The following SPAG6 variants were observed in gnomAD, a reference collection of about 807,000 sequenced individuals.
SPAG6 encodes the protein sperm associated antigen 6.
SPAG6 carries 49 observed loss-of-function variants against 58.5 expected under a neutral mutation model. The observed-to-expected ratio is 0.84, with a 90% CI of 0.67 to 1.06. The LOEUF (loss-of-function observed/expected upper bound fraction) is 1.06. SPAG6 is among the 50% of genes least tolerant of loss of function. The pLI is 0.00. For missense variants in SPAG6, 560 were observed against 611.3 expected, an observed-to-expected ratio of 0.92 and a Z score of 0.89; for synonymous variants, 233 against 225.6, an observed-to-expected ratio of 1.03 and a Z score of -0.29.
intron 4 of SPAG6, among the ~76,000 whole-genome samples, chr10:22,370,303 A>G (rs1425989012): frequency 2.0e-5 from 3 of 152,204 alleles, no homozygotes; most frequent in Non-Finnish European, 4.4e-5. Flanking sequence ...AGTAATTAGT[A>G]TATGCCTGGC....
rs781720124 is a variant in SPAG6 at position 22,368,659 on chromosome 10, T to C, written c.453T>C (p.Tyr151=). ...AGGCTGCAGCCTGGGCACTTAGATA[T>C]ATTGCAAGACATAATGCAGGTAATT... ...VKEAAAWALR[Y]IARHNAELSQ... Residue 151 remains tyrosine (Y), a synonymous_variant, in exon 4 of 11, where the codon TAT becomes TAC. Coordinates refer to ENST00000376624, the MANE Select transcript of SPAG6 (RefSeq NM_012443.4). The C allele has an allele frequency of 6.2e-7, 1 of 1,613,062 alleles. No individual in the cohort carries two copies. The highest frequency in any genetic ancestry group is 8.5e-7 in the Non-Finnish European group (1 of 1,179,368).
intron 6 of SPAG6, among the ~76,000 whole-genome samples, chr10:22,388,747 G>T (rs1398984223): frequency 6.6e-6 from 1 of 152,098 alleles, no homozygotes; most frequent in East Asian, 1.9e-4. Flanking sequence ...TACTAGCAAA[G>T]GGGGAATAAT....
At position 22,345,527 on chromosome 10, in the gene SPAG6, T is replaced by C. The variant is rs1836492644; in HGVS notation, c.-85T>C. ...GCGGCTCCCGTCGGAGGCCGAGTCG[T>C]CGCCACGATCGCCCCCTTGGTGGAC... On this transcript the variant is annotated 5_prime_UTR_variant, in exon 1 of 11. Coordinates refer to ENST00000376624, the MANE Select transcript of SPAG6 (RefSeq NM_012443.4). The surrounding 1 kb of genome is among the most constrained non-coding windows in gnomAD (Gnocchi z 6.3). 8.2e-7 allele frequency: 1 copy of C among 1,213,030 alleles called. No individual in the cohort carries two copies. 75.1% of individuals were successfully genotyped at this position (1,213,030 alleles called of 1,614,324 possible). A position where few individuals can be genotyped will look rare whatever the true frequency, so the allele number is the denominator to read the frequency against.
intron 9 of SPAG6, among the ~76,000 whole-genome samples, chr10:22,404,497 C>A (rs1207529427): frequency 1.8e-5 from 1 of 56,738 alleles, no homozygotes; most frequent in African/African-American, 7.6e-5. Flanking sequence ...TGATCTATAT[C>A]TCTGTTTTGG....
intron 4 of SPAG6, among the ~76,000 whole-genome samples, chr10:22,377,374 C>T (rs760906698): frequency 6.6e-6 from 1 of 152,178 alleles, no homozygotes; most frequent in African/African-American, 2.4e-5. Context: ...CGCAGAAACT[C>T]TGAAATAATA....
intron 4 of SPAG6, among the ~76,000 whole-genome samples, chr10:22,385,074 A>T (rs1834036796): frequency 6.6e-6 from 1 of 152,204 alleles, no homozygotes; most frequent in African/African-American, 2.4e-5. Flanking sequence ...CATATGAATT[A>T]TTACTATATG....
chr10:22,364,117 A>C (rs1425644401), intron 2 of SPAG6, among the ~76,000 whole-genome samples: 1 of 152,208 alleles, frequency 6.6e-6, no homozygotes, highest in Non-Finnish European at 1.5e-5. Context: ...ATCAATGAAA[A>C]ATGTATAAAT....
Position 22,345,850 on chromosome 10 carries a change from C to G in SPAG6, c.121+32C>G, listed in dbSNP as rs1464074713. On this transcript the variant is annotated intron_variant, in intron 2 of 10. Coordinates refer to ENST00000376624, the MANE Select transcript of SPAG6 (RefSeq NM_012443.4). This position sits in a 1 kb window ranked among gnomAD's most constrained non-coding sequence, Gnocchi z 6.3. The stretch of plus-strand genomic sequence containing the variant: ...CCGGAGCCCGAACCCCCGTCGCCCC[C>G]CGCGCACTGAGTCCCCGACGCCTCC... 3 of 1,600,416 alleles carry G rather than the reference C, an allele frequency of 1.9e-6. No homozygotes were observed. The highest frequency in any genetic ancestry group is 1.3e-5 in the African/African-American group (1 of 74,488).
chr10:22,355,840 G>A (rs1423148864), intron 2 of SPAG6, among the ~76,000 whole-genome samples: 1 of 152,166 alleles, frequency 6.6e-6, no homozygotes, highest in Non-Finnish European at 1.5e-5. Context: ...CTAAAAAAAG[G>A]CAGGGGAGGA....
At chr10:22,387,771 T>C (rs564493981) in intron 5 of SPAG6, 52 bp from the exon 6 acceptor site, 1 of 1,539,802 alleles carries the variant, frequency 6.5e-7, no homozygotes, top group Admixed American at 2.1e-5. Flanking sequence ...CTGAACTCTG[T>C]AGTGGATGCT....
At chr10:22,386,203 A>G (rs574328462) in intron 4 of SPAG6, among the ~76,000 whole-genome samples, 1 of 152,286 alleles carries the variant, frequency 6.6e-6, no homozygotes, top group East Asian at 1.9e-4. Flanking sequence ...GTATTTTTAT[A>G]TGTACAATGA....
intron 2 of SPAG6, among the ~76,000 whole-genome samples, chr10:22,347,284 A>G (rs1444067916): frequency 6.6e-6 from 1 of 152,134 alleles, no homozygotes; most frequent in East Asian, 1.9e-4. Context: ...GATTTTCTGT[A>G]TTCTGTGTGT....
intron 2 of SPAG6, among the ~76,000 whole-genome samples, chr10:22,346,811 G>A (rs1836572224): frequency 6.6e-6 from 1 of 152,006 alleles, no homozygotes; most frequent in Admixed American, 6.6e-5. Context: ...TTTTTATTGG[G>A]GGGCATGTAT....
intron 7 of SPAG6, among the ~76,000 whole-genome samples, chr10:22,389,752 T>C (rs1035478190): frequency 6.6e-6 from 1 of 152,214 alleles, no homozygotes. Flanking sequence ...CATCCCTTTT[T>C]ATCCACTTTC....
At chr10:22,407,506 A>C (rs926846671) in intron 9 of SPAG6, among the ~76,000 whole-genome samples, 5 of 152,266 alleles carry the variant, frequency 3.3e-5, no homozygotes, top group South Asian at 2.1e-4. Context: ...CCGAGAGATC[A>C]GCTGTTAGTC....
chr10:22,413,445 AT>A (rs1834792920), intron 10 of SPAG6, among the ~76,000 whole-genome samples: 1 of 152,024 alleles, frequency 6.6e-6, no homozygotes, highest in African/African-American at 2.4e-5. Context: ...AGGCAGGAGA[AT>A]GGCGTGAACC....
At chr10:22,378,647 GC>G (rs1833879814) in intron 4 of SPAG6, among the ~76,000 whole-genome samples, 3 of 152,120 alleles carry the variant, frequency 2.0e-5, no homozygotes, top group Admixed American at 1.3e-4. Context: ...CTTGGTCTCA[GC>G]TGTTAAAGGT....
chr10:22,370,773 A>G (rs1833665584), intron 4 of SPAG6, among the ~76,000 whole-genome samples: 1 of 152,234 alleles, frequency 6.6e-6, no homozygotes, highest in East Asian at 1.9e-4. Context: ...ACTATTGTTT[A>G]GTACATGTTG....
chr10:22,391,873 CT>C lies in SPAG6; in HGVS notation c.1153del (p.Ser385LeufsTer14). On this transcript the variant is annotated frameshift_variant, in exon 8 of 11. Coordinates refer to ENST00000376624, the MANE Select transcript of SPAG6 (RefSeq NM_012443.4). LOFTEE classifies it high-confidence loss of function. ...AGTCACAAATACTTTGCCAGTTCTG[CT>C]TTCTTTGTACATGTCAACAGAAAGT... ...VAVTNTLPVL[L>X]SLYMSTESSE... 2 of 1,613,448 alleles carry C rather than the reference CT, an allele frequency of 1.2e-6. No individual in the cohort carries two copies. Among genetic ancestry groups the C allele is most frequent in the Non-Finnish European group, 1.7e-6 (2 of 1,179,662 alleles).
Sources: gnomAD v4.1 joint callset for allele counts (sites outside exome capture counted in the v4.1 genomes callset) on GRCh38, gnomAD v4.1.1 for gene constraint, Gnocchi (gnomAD v3.1) non-coding constraint, MANE v1.5 for transcripts, NCBI Gene and HGNC (gene_info 2026-07-23, HGNC 2026-07-21) for gene names.